POT1: variants seen among roughly 807,000 people sequenced by gnomAD.
POT1 encodes protection of telomeres 1, also known as protection of telomeres protein 1.
POT1 carries 47 observed loss-of-function variants against 78.5 expected under a neutral mutation model. That is an observed-to-expected ratio of 0.60 (90% CI 0.47 to 0.76). The LOEUF (loss-of-function observed/expected upper bound fraction) is 0.76. Among genes scored for constraint, POT1 ranks in the 30% least tolerant of loss-of-function variants. POT1 has a pLI of 0.00. For missense variants in POT1, 646 were observed against 749.9 expected, an observed-to-expected ratio of 0.86 and a Z score of 1.62; for synonymous variants, 259 against 260.7, an observed-to-expected ratio of 0.99 and a Z score of 0.06.
At position 124,843,282 on chromosome 7, in the gene POT1, C is replaced by T. The variant is rs141468844; in HGVS notation, c.1007-319G>A. 915 of 174,450 alleles carry T rather than the reference C, an allele frequency of 5.2e-3. 8 individuals are homozygous for T. Among genetic ancestry groups the T allele is most frequent in the African/African-American group, 0.02 (872 of 42,538 alleles). The allele number at this position is 174,450 out of a possible 1,614,324, so 10.8% of individuals were successfully genotyped here. A position where few individuals can be genotyped will look rare whatever the true frequency, so the allele number is the denominator to read the frequency against. ...CTAAGAAAATATTACGCTAGGCAAC[C>T]GTTTAAGTTCTAACTGGTGTCTGCC... On this transcript the variant is annotated intron_variant, in intron 12 of 18. Transcript: ENST00000357628.
intron 3 of POT1, among the ~76,000 whole-genome samples, chr7:124,913,117 T>C (rs117765274): frequency 3.3e-5 from 5 of 152,230 alleles, no homozygotes; most frequent in African/African-American, 1.2e-4. Flanking sequence ...TCCTTCACTA[T>C]CATGAGAACA....
At chr7:124,888,471 G>T (rs906123671) in intron 6 of POT1, among the ~76,000 whole-genome samples, 8 of 152,044 alleles carry the variant, frequency 5.3e-5, no homozygotes, top group African/African-American at 1.9e-4. Context: ...ATATGAATTT[G>T]AAGATTGATT....
At chr7:124,917,565 T>C (rs1185661136) in intron 2 of POT1, among the ~76,000 whole-genome samples, 1 of 152,108 alleles carries the variant, frequency 6.6e-6, no homozygotes, top group Admixed American at 6.6e-5. Context: ...CCACAAGACG[T>C]ACAGCTTTGA....
intron 12 of POT1, 97 bp downstream of exon 12, chr7:124,846,845 T>G: frequency 1.2e-6 from 1 of 851,434 alleles, no homozygotes; most frequent in African/African-American, 1.7e-5. Flanking sequence ...GGATATGTGT[T>G]CTACTATTAG....
At chr7:124,912,082 C>A (rs1796901453) in intron 3 of POT1, among the ~76,000 whole-genome samples, 1 of 152,118 alleles carries the variant, frequency 6.6e-6, no homozygotes, top group Non-Finnish European at 1.5e-5. Flanking sequence ...CCTCTACTCT[C>A]TTCTTCCTCA....
chr7:124,843,714 C>A (rs1300325357), intron 12 of POT1, among the ~76,000 whole-genome samples: 2 of 152,190 alleles, frequency 1.3e-5, no homozygotes, highest in Non-Finnish European at 2.9e-5. Context: ...TAGCTTAAGG[C>A]AACAGCTTGC....
At chr7:124,879,368 C>G (rs1796063776) in intron 6 of POT1, among the ~76,000 whole-genome samples, 3 of 151,898 alleles carry the variant, frequency 2.0e-5, no homozygotes, top group Admixed American at 2.0e-4. Flanking sequence ...AAAACGGTAG[C>G]TAGGGAAAAA....
In POT1 at chr7:124,915,916, T is replaced by C. The variant is rs148572012; in HGVS notation, c.-226-270A>G. On this transcript the variant is annotated intron_variant, in intron 2 of 18. Coordinates refer to ENST00000357628, the MANE Select transcript of POT1 (RefSeq NM_015450.3). ...ATCAGTTCCTTATTTTGCAGATAAC[T>C]AGATCAACTTTCCCTAGCTTTGTTT... 1.2e-3 allele frequency among the ~76,000 whole-genome samples: 186 copies of C among 152,276 alleles called. 1 individual carries two copies. Among genetic ancestry groups the C allele is most frequent in the African/African-American group, 4.4e-3 (182 of 41,586 alleles).
chr7:124,905,806 C>T lies in POT1; in HGVS notation c.-153-7432G>A, dbSNP rs963882124. On this transcript the variant is annotated intron_variant, in intron 3 of 18. Coordinates refer to ENST00000357628, the MANE Select transcript of POT1 (RefSeq NM_015450.3). ...AATTTACAAGAAAAAAATCAAACAA[C>T]CCCATCAAAAAGTGGGCGAAGGATA... 5.3e-5 allele frequency among the ~76,000 whole-genome samples: 8 copies of T among 152,058 alleles called. No individual in the cohort carries two copies. The South Asian group carries it at 1.7e-3, about 31-fold the overall frequency.
chr7:124,884,522 G>T (rs1200531256), intron 6 of POT1, among the ~76,000 whole-genome samples: 2 of 152,040 alleles, frequency 1.3e-5, no homozygotes, highest in Admixed American at 1.3e-4. Flanking sequence ...AAGTAATTTT[G>T]GAACAGACCA....
intron 3 of POT1, among the ~76,000 whole-genome samples, chr7:124,910,732 T>C (rs1406738880): frequency 6.6e-6 from 1 of 151,924 alleles, no homozygotes; most frequent in Non-Finnish European, 1.5e-5. Flanking sequence ...AGAATTTGCA[T>C]CTCTTTACAT....
intron 3 of POT1, among the ~76,000 whole-genome samples, chr7:124,908,361 T>C (rs1383036710): frequency 6.6e-6 from 1 of 151,962 alleles, no homozygotes; most frequent in African/African-American, 2.4e-5. Flanking sequence ...ATGTGAATAA[T>C]ATTAGCATTA....
chr7:124,837,885 G>A (rs983417016), intron 14 of POT1, among the ~76,000 whole-genome samples: 1 of 151,992 alleles, frequency 6.6e-6, no homozygotes, highest in African/African-American at 2.4e-5. Context: ...GGTAGGCAAG[G>A]CTGGTTAAAC....
chr7:124,830,635 A>G (rs1052264226), intron 15 of POT1, among the ~76,000 whole-genome samples: 28 of 152,122 alleles, frequency 1.8e-4, no homozygotes, highest in African/African-American at 6.8e-4. Flanking sequence ...GGAAACAGAA[A>G]AAATTAGAAA....
intron 2 of POT1, among the ~76,000 whole-genome samples, chr7:124,918,095 C>T (rs951161624): frequency 1.4e-4 from 22 of 152,214 alleles, no homozygotes; most frequent in African/African-American, 5.3e-4. Flanking sequence ...AACCATGAGC[C>T]AGCAGGGCAT....
At chr7:124,904,037 CA>C (rs1031215255) in intron 3 of POT1, among the ~76,000 whole-genome samples, 8 of 151,982 alleles carry the variant, frequency 5.3e-5, no homozygotes, top group Admixed American at 4.6e-4. Flanking sequence ...GCCTAACAAC[CA>C]AAAAAAGTCC....
At chr7:124,877,832 T>C (rs1210081922) in intron 6 of POT1, among the ~76,000 whole-genome samples, 10 of 86,446 alleles carry the variant, frequency 1.2e-4, no homozygotes, top group African/African-American at 3.7e-4. Flanking sequence ...CAGAGAGAGA[T>C]TCTGTCTCAA....
intron 9 of POT1, among the ~76,000 whole-genome samples, chr7:124,857,842 T>G (rs975380489): frequency 6.6e-6 from 1 of 152,196 alleles, no homozygotes; most frequent in African/African-American, 2.4e-5. Flanking sequence ...ACAGCTACCC[T>G]GCACTAAGCT....
intron 2 of POT1, among the ~76,000 whole-genome samples, chr7:124,924,768 T>C (rs1797234362): frequency 6.6e-6 from 1 of 152,024 alleles, no homozygotes; most frequent in South Asian, 2.1e-4. Context: ...TACACCATGA[T>C]CAAGTGAGAT....
Sources: allele counts gnomAD v4.1 joint callset (sites outside exome capture counted in the v4.1 genomes callset), GRCh38; gene constraint gnomAD v4.1.1; transcripts MANE v1.5; gene names NCBI Gene and HGNC (gene_info 2026-07-23, HGNC 2026-07-21).